The following TMEM63B variants were observed in gnomAD, a reference collection of about 807,000 sequenced individuals.
The protein encoded by TMEM63B is transmembrane protein 63B, also known as mechanosensitive cation channel TMEM63B.
A neutral mutation model predicts 102.6 loss-of-function variants in TMEM63B; 23 were observed. The ratio of observed to expected loss-of-function variants is 0.22; its 90% CI spans 0.16 to 0.32. The LOEUF is 0.32. Among genes scored for constraint, TMEM63B ranks in the 10% least tolerant of loss-of-function variants. The pLI, the probability that TMEM63B is intolerant of heterozygous loss-of-function variation, is 1.00. For synonymous variants in TMEM63B, 444 were observed against 437.0 expected (o/e 1.02, Z -0.20); for missense variants, 628 against 1,095.9 (o/e 0.57, Z 6.03).
intron 1 of TMEM63B, among the ~76,000 whole-genome samples, chr6:44,134,194 C>T (rs1032055618): frequency 1.1e-4 from 17 of 152,186 alleles, no homozygotes; most frequent in African/African-American, 3.6e-4. Flanking sequence ...TTCCCAGGCT[C>T]AGCTCCGCCC....
rs1487884181 is a variant in TMEM63B, at chr6:44,154,900, T to C, written c.*17T>C. ...CACCAGTAAGGGGAGGGAGGGGCCC[T>C]GGAGGCCACATCCTGCCCCACCCCA... On this transcript the variant is annotated 3_prime_UTR_variant, in exon 24 of 24. Transcript: ENST00000323267. 3.3e-6 allele frequency: 5 copies of C among 1,509,908 alleles called. No homozygotes were observed. The highest frequency in any genetic ancestry group is 2.2e-5 in the Admixed American group (1 of 44,632). 93.5% of individuals were successfully genotyped at this position (1,509,908 alleles called of 1,614,324 possible).
rs776176370 is a variant in TMEM63B, at chr6:44,154,739, G to T, written c.2355G>T (p.Gly785=). 6.3e-7 allele frequency: 1 copy of T among 1,590,992 alleles called. No homozygotes were observed. Among genetic ancestry groups the T allele is most frequent in the Non-Finnish European group, 8.5e-7 (1 of 1,170,858 alleles). The part of the protein sequence containing the change: ...VLQDSEVDGD[G]DGAPGSSGDE... ...AGGACTCAGAGGTGGACGGGGATGG[G>T]GATGGGGCTCCTGGGAGCTCAGGGG... The change falls in exon 24 of 24, where the codon GGG becomes GGT. Residue 785 remains glycine, a synonymous_variant. Transcript: ENST00000323267.
In TMEM63B at chr6:44,154,847, C is replaced by G. The variant is rs760819271; in HGVS notation, c.2463C>G (p.Cys821Trp). ...DALTDTDFQS[C>W]EDSLIENEIH... ...TCACGGACACAGACTTCCAGTCTTG[C>G]GAGGACAGCCTCATAGAGAATGAGA... The change falls in exon 24 of 24, where the codon TGC (cysteine) becomes TGG (tryptophan). Residue 821 changes from cysteine to tryptophan, a missense_variant. By Grantham distance (215) the Cys-to-Trp change is radical. Transcript: ENST00000323267. 6 of 1,604,612 alleles carry G rather than the reference C, an allele frequency of 3.7e-6. No homozygotes were observed. The highest frequency in any genetic ancestry group is 1.3e-5 in the African/African-American group (1 of 74,726).
chr6:44,145,204 G>C (rs186602936), intron 10 of TMEM63B, among the ~76,000 whole-genome samples: 104 of 151,630 alleles, frequency 6.9e-4, no homozygotes, highest in Admixed American at 1.5e-3. Context: ...GAACCCAAGA[G>C]GTGGAGGTTA....
intron 1 of TMEM63B, chr6:44,132,291 T>G (rs2128221667): frequency 1.0e-6 from 1 of 985,362 alleles, no homozygotes; most frequent in Non-Finnish European, 1.2e-6. Context: ...AGGAGCATGG[T>G]GATTTCAGTT....
intron 10 of TMEM63B, among the ~76,000 whole-genome samples, chr6:44,144,142 G>A (rs562067821): frequency 3.3e-5 from 5 of 152,206 alleles, no homozygotes; most frequent in East Asian, 1.9e-4. Context: ...TCATTGATCC[G>A]CTCATTTACC....
intron 2 of TMEM63B, 92 bp downstream of exon 2, chr6:44,134,835 C>T (rs201201462): frequency 2.0e-5 from 31 of 1,542,534 alleles, no homozygotes; most frequent in Non-Finnish European, 2.6e-5. Flanking sequence ...CCACCTGCCC[C>T]GGTTTCCCAG....
At chr6:44,140,972 C>T (rs1764131942) in intron 9 of TMEM63B, 56 bp from the exon 10 acceptor site, 3 of 1,535,894 alleles carry the variant, frequency 2.0e-6, no homozygotes, top group Non-Finnish European at 1.8e-6. Flanking sequence ...CCCTCACATC[C>T]CCTGGCTCCA....
chr6:44,127,503 A>G (rs1342013443), upstream of TMEM63B: 1 of 147,562 alleles, frequency 6.8e-6, no homozygotes, highest in Admixed American at 6.7e-5. Flanking sequence ...GCGGGGCGGG[A>G]CCTGCGGGGC....
In TMEM63B at chr6:44,154,413, C is replaced by A; in HGVS notation, c.2275C>A (p.Pro759Thr). The A allele has an allele frequency of 6.2e-7, 1 of 1,614,002 alleles. No individual in the cohort carries two copies. Residue 759 changes from proline to threonine, a missense_variant, in exon 23 of 24, where the codon CCC (proline) becomes ACC (threonine). Physicochemically the swap from Pro to Thr is conservative, Grantham distance 38. This residue lies in a region of TMEM63B where 129 missense variants were observed against 153.5 expected (regional missense o/e 0.84). Transcript: ENST00000323267. The part of the protein sequence containing the change: ...DTVDPRSNGR[P>T]PTAAAVPKSA... ...TGTGGACCCCAGAAGCAATGGACGG[C>A]CCCCCACTGCTGCTGCTGTCCCCAA...
intron 20 of TMEM63B, among the ~76,000 whole-genome samples, chr6:44,153,162 C>T (rs756024771): frequency 8.5e-5 from 13 of 152,208 alleles, no homozygotes; most frequent in Non-Finnish European, 1.3e-4. Flanking sequence ...TTGGCCAGGT[C>T]TCTCTTCCTT....
At chr6:44,133,255 T>C (rs2128223156) in intron 1 of TMEM63B, among the ~76,000 whole-genome samples, 1 of 152,198 alleles carries the variant, frequency 6.6e-6, no homozygotes. Context: ...CATAAACAAC[T>C]CCATCCTCCC....
At chr6:44,143,857 G>T (rs1764807804) in intron 10 of TMEM63B, among the ~76,000 whole-genome samples, 1 of 152,142 alleles carries the variant, frequency 6.6e-6, no homozygotes, top group Non-Finnish European at 1.5e-5. Context: ...CTGACAGCGT[G>T]GCATTTGAAC....
intron 21 of TMEM63B, 44 bp from the exon 22 acceptor site, chr6:44,154,029 G>C (rs569242076): frequency 6.3e-7 from 1 of 1,593,258 alleles, no homozygotes; most frequent in South Asian, 1.1e-5. Context: ...GGGTGGGGAG[G>C]CCCACAGGAG....
At position 44,150,482 on chromosome 6, in the gene TMEM63B, G is replaced by T; in HGVS notation, c.1608-82G>T. On this transcript the variant is annotated intron_variant, in intron 17 of 23. Coordinates refer to ENST00000323267, the MANE Select transcript of TMEM63B (RefSeq NM_018426.3). The surrounding 1 kb of genome is among the most constrained non-coding windows in gnomAD (Gnocchi z 4.7). ...CCCATGTCTGGGAGTCTCCCCAGTGGCTCACAGAGGAGGGACTTCCCCTCC... is the reference window on the plus strand; with the variant it reads ...CCCATGTCTGGGAGTCTCCCCAGTGTCTCACAGAGGAGGGACTTCCCCTCC... 1 of 1,540,008 alleles carries T rather than the reference G, an allele frequency of 6.5e-7. No individual in the cohort carries two copies. The highest frequency in any genetic ancestry group is 9.0e-7 in the Non-Finnish European group (1 of 1,114,772).
Position 44,148,209 on chromosome 6 carries a change from TGGCTTTCCAACTAGAGG to T in TMEM63B, c.988-42_988-26del. On this transcript the variant is annotated intron_variant, in intron 12 of 23. Transcript: ENST00000323267. This position sits in a 1 kb window ranked among gnomAD's most constrained non-coding sequence, Gnocchi z 5.1. ...GGGCTGGATGCTGCAGGCCCCAGCCTGGCTTTCCAACTAGAGGCCCTGTCCCTAACCCTCCCACAAAG... is the reference window on the plus strand; with the variant it reads ...GGGCTGGATGCTGCAGGCCCCAGCCTCCCTGTCCCTAACCCTCCCACAAAG... 6.2e-7 allele frequency: 1 copy of T among 1,610,206 alleles called. No individual in the cohort carries two copies. The highest frequency in any genetic ancestry group is 1.7e-5 in the Admixed American group (1 of 59,794).
chr6:44,135,132 C>T, intron 3 of TMEM63B, 36 bp downstream of exon 3: 1 of 1,608,614 alleles, frequency 6.2e-7, no homozygotes, highest in South Asian at 1.1e-5. Context: ...GCTCTCCACA[C>T]ACACATCTTG....
Position 44,154,054 on chromosome 6 carries a change from C to A in TMEM63B, c.2111-19C>A. On this transcript the variant is annotated intron_variant, in intron 21 of 23. Coordinates refer to ENST00000323267, the MANE Select transcript of TMEM63B (RefSeq NM_018426.3). ...GCCCACAGGAGATAGCAACCCCATTCTTTGCCCCCCAACACCAGGGTTCCT... is the reference window on the plus strand; with the variant it reads ...GCCCACAGGAGATAGCAACCCCATTATTTGCCCCCCAACACCAGGGTTCCT... 1 of 1,610,940 alleles carries A rather than the reference C, an allele frequency of 6.2e-7. No homozygotes were observed. The highest frequency in any genetic ancestry group is 8.5e-7 in the Non-Finnish European group (1 of 1,177,114).
Position 44,148,704 on chromosome 6 carries a change from G to C in TMEM63B, c.1259+54G>C. ...TCCAGGGCCTGGGATGGGCTCAGTA[G>C]GTAGGCGGAGGAGAGGGAGTGTCTT... On this transcript the variant is annotated intron_variant, in intron 14 of 23. Coordinates refer to ENST00000323267, the MANE Select transcript of TMEM63B (RefSeq NM_018426.3). The surrounding 1 kb of genome is among the most constrained non-coding windows in gnomAD (Gnocchi z 5.1). The C allele has an allele frequency of 1.2e-6, 2 of 1,611,022 alleles. No individual in the cohort carries two copies. Among genetic ancestry groups the C allele is most frequent in the Non-Finnish European group, 1.7e-6 (2 of 1,177,614 alleles).
Sources: allele counts gnomAD v4.1 joint callset (sites outside exome capture counted in the v4.1 genomes callset), GRCh38; gene constraint gnomAD v4.1.1; regional missense constraint gnomAD v4.1.1; non-coding constraint Gnocchi (gnomAD v3.1); transcripts MANE v1.5; gene names NCBI Gene and HGNC (gene_info 2026-07-23, HGNC 2026-07-21).